SMARCC2: variants seen among roughly 807,000 people sequenced by gnomAD.
The protein encoded by SMARCC2 is SWI/SNF related BAF chromatin remodeling complex subunit C2, also known as SWI/SNF complex subunit SMARCC2.
SMARCC2 carries 15 observed loss-of-function variants against 151.3 expected under a neutral mutation model. That is an observed-to-expected ratio of 0.10 (90% CI 0.07 to 0.15). The LOEUF (loss-of-function observed/expected upper bound fraction) is 0.15. Among genes scored for constraint, SMARCC2 ranks in the 10% least tolerant of loss-of-function variants. The pLI is 1.00. For missense variants in SMARCC2, 1,031 were observed against 1,599.7 expected, an observed-to-expected ratio of 0.64 and a Z score of 6.06; for synonymous variants, 590 against 609.5, an observed-to-expected ratio of 0.97 and a Z score of 0.47.
rs1379380398 is a variant in SMARCC2 at position 56,170,286 on chromosome 12, T to TA, written c.2348-79dup. ...TGTGTCTAACACTTTTCTTTTTTTT[T>TA]AGAGACAGGGTCTTGCTGTGTTGCC... On this transcript the variant is annotated intron_variant, in intron 22 of 28. Transcript: ENST00000550164. The TA allele has an allele frequency of 1.6e-5, 21 of 1,273,368 alleles. 1 individual carries two copies. The highest frequency in any genetic ancestry group is 4.4e-5 in the African/African-American group (3 of 68,116). 78.9% of individuals were successfully genotyped at this position (1,273,368 alleles called of 1,614,324 possible). A position where few individuals can be genotyped will look rare whatever the true frequency, so the allele number is the denominator to read the frequency against.
intron 7 of SMARCC2, 53 bp downstream of exon 7, chr12:56,183,808 G>A (rs1876718342): frequency 3.2e-6 from 4 of 1,258,894 alleles, no homozygotes; most frequent in East Asian, 2.3e-5. Context: ...GATGTCCTAG[G>A]GCTTCTGGGT....
intron 3 of SMARCC2, chr12:56,185,482 C>CTT (rs922780076): frequency 3.0e-4 from 53 of 174,752 alleles, no homozygotes; most frequent in South Asian, 7.8e-4. Flanking sequence ...CACACCCGGC[C>CTT]TTTTTTTTTT....
chr12:56,183,086 C>T (rs1876553703), intron 7 of SMARCC2, among the ~76,000 whole-genome samples: 1 of 151,744 alleles, frequency 6.6e-6, no homozygotes, highest in Non-Finnish European at 1.5e-5. Flanking sequence ...GCAATCTGCC[C>T]ACCTCAGCCT....
intron 16 of SMARCC2, 155 bp downstream of exon 16, chr12:56,174,496 G>T: frequency 5.0e-6 from 3 of 601,856 alleles, no homozygotes; most frequent in Middle Eastern, 9.2e-4. Context: ...AATCCCTCAA[G>T]TCATTCATTC....
intron 10 of SMARCC2, 22 bp downstream of exon 10, chr12:56,181,460 G>A: frequency 7.4e-7 from 1 of 1,343,884 alleles, no homozygotes; most frequent in South Asian, 1.4e-5. Flanking sequence ...TGAACACGGG[G>A]GCAGGCTAGG....
chr12:56,182,787 T>C (rs968635354), intron 7 of SMARCC2, among the ~76,000 whole-genome samples: 3 of 137,792 alleles, frequency 2.2e-5, no homozygotes, highest in African/African-American at 9.6e-5. Flanking sequence ...ATCATAACCA[T>C]ACTAGATGAT....
intron 9 of SMARCC2, 45 bp from the exon 10 acceptor site, chr12:56,181,642 C>A (rs745743312): frequency 6.2e-7 from 1 of 1,612,688 alleles, no homozygotes; most frequent in South Asian, 1.1e-5. Context: ...ACAATCCCCA[C>A]TGAAGATTTG....
Position 56,166,447 on chromosome 12 carries a change from G to A in SMARCC2, c.2851-748C>T, listed in dbSNP as rs114100818. 5.5e-3 allele frequency among the ~76,000 whole-genome samples: 834 copies of A among 152,032 alleles called. 8 individuals carry two copies. The highest frequency in any genetic ancestry group is 0.019 in the African/African-American group (804 of 41,472). On this transcript the variant is annotated intron_variant, in intron 26 of 28. Coordinates refer to ENST00000550164, the MANE Select transcript of SMARCC2 (RefSeq NM_001330288.2). ...ATTACAGGTGTGAGCCACCGCGCCC[G>A]GCTGATGTGCAATCTCTTAATGTGA...
intron 3 of SMARCC2, chr12:56,185,383 A>G (rs1046255771): frequency 1.1e-5 from 4 of 377,592 alleles, no homozygotes; most frequent in Non-Finnish European, 2.0e-5. Flanking sequence ...AGGTTTCACC[A>G]TATTGGTCAA....
At chr12:56,185,215 G>T in intron 3 of SMARCC2, 104 bp from the exon 4 acceptor site, 1 of 885,686 alleles carries the variant, frequency 1.1e-6, no homozygotes, top group Non-Finnish European at 1.9e-6. Context: ...GTCTTGCTCT[G>T]TCACCTAGGC....
At chr12:56,188,630 G>A (rs994566503) in intron 1 of SMARCC2, among the ~76,000 whole-genome samples, 19 of 152,142 alleles carry the variant, frequency 1.2e-4, no homozygotes, top group African/African-American at 4.3e-4. Context: ...GCTAGAGATA[G>A]GAAGCTCACC....
chr12:56,165,128 G>A (rs1436258438), intron 27 of SMARCC2, among the ~76,000 whole-genome samples, 190 bp downstream of exon 27: 1 of 152,226 alleles, frequency 6.6e-6, no homozygotes, highest in African/African-American at 2.4e-5. Context: ...TAGAGTAAGT[G>A]AATAAAATTC....
chr12:56,189,320 G>T, intron 1 of SMARCC2, 31 bp downstream of exon 1: 1 of 1,389,214 alleles, frequency 7.2e-7, no homozygotes, highest in Non-Finnish European at 9.8e-7. Flanking sequence ...CCCGCCCCCG[G>T]TCCCCGCGCG....
In SMARCC2 at chr12:56,165,332, G is replaced by T. The variant is rs201907171; in HGVS notation, c.3218C>A (p.Pro1073His). Residue 1073 changes from proline (P) to histidine (H), a missense_variant, in exon 27 of 29, where the codon CCC becomes CAC. Around this residue, in one of 12 missense-constraint regions of SMARCC2, gnomAD observed 310 missense variants for 350.0 expected, o/e 0.89. Transcript: ENST00000550164. ...ATAACACTTACCATGGGGTCCAGGGGGGGGAACCCCTGGTGGGACTGCCCC... is the reference window on the plus strand; with the variant it reads ...ATAACACTTACCATGGGGTCCAGGGTGGGGAACCCCTGGTGGGACTGCCCC... ...QPGAVPPGVP[P>H]PGPHGPSPFP... is the part of the protein sequence containing the mutation. 5.2e-5 allele frequency: 78 copies of T among 1,496,142 alleles called. No homozygotes were observed. The highest frequency in any genetic ancestry group is 5.1e-4 in the Middle Eastern group (2 of 3,946). 92.7% of individuals were successfully genotyped at this position (1,496,142 alleles called of 1,614,324 possible).
At chr12:56,180,738 A>G (rs1442111688) in intron 11 of SMARCC2, among the ~76,000 whole-genome samples, 2 of 152,236 alleles carry the variant, frequency 1.3e-5, no homozygotes, top group African/African-American at 4.8e-5. Flanking sequence ...GAAACACATA[A>G]TCAAAGAGTT....
intron 16 of SMARCC2, 77 bp from the exon 17 acceptor site, chr12:56,173,926 G>T (rs1018122733): frequency 1.4e-6 from 2 of 1,399,592 alleles, no homozygotes; most frequent in East Asian, 2.4e-5. Flanking sequence ...GTGGGGGGTA[G>T]AAGGGGCATA....
chr12:56,181,572 C>T lies in SMARCC2; in HGVS notation c.866G>A (p.Arg289Gln), dbSNP rs766918164. The T allele has an allele frequency of 1.3e-6, 2 of 1,594,148 alleles. No homozygotes were observed. Among genetic ancestry groups the T allele is most frequent in the Non-Finnish European group, 1.7e-6 (2 of 1,170,028 alleles). Residue 289 changes from arginine to glutamine, a missense_variant, in exon 10 of 29, where the codon CGG (arginine) becomes CAG (glutamine). By Grantham distance (43) the Arg-to-Gln change is conservative (BLOSUM62 1). Around this residue, in one of 12 missense-constraint regions of SMARCC2, gnomAD observed 123 missense variants for 190.4 expected, o/e 0.65. Transcript: ENST00000550164. The stretch of plus-strand genomic sequence containing the variant: ...CTTATAGTTTCCCCCCTTCTTGTCC[C>T]GTCGATCTGAATCTGGGCTGTTCAC... Reference protein sequence around the residue: ...DEVNSPDSDRRDKKGGNYKKR... With the variant: ...DEVNSPDSDRQDKKGGNYKKR...
Position 56,171,464 on chromosome 12 carries a change from C to A in SMARCC2, c.2186-32G>T, listed in dbSNP as rs757401916. 3.7e-6 allele frequency: 6 copies of A among 1,613,306 alleles called. No individual in the cohort carries two copies. In the East Asian group the frequency reaches 1.1e-4, roughly 30 times the overall value. ...GACCCAGAAAGAATGAGGCTGGGAG[C>A]GGCACAGTGGAACAGTTCTGGCAAT... On this transcript the variant is annotated intron_variant, in intron 21 of 28. Coordinates refer to ENST00000550164, the MANE Select transcript of SMARCC2 (RefSeq NM_001330288.2). This position sits in a 1 kb window ranked among gnomAD's most constrained non-coding sequence, Gnocchi z 4.2.
chr12:56,171,604 A>T lies in SMARCC2; in HGVS notation c.2185+75T>A. On this transcript the variant is annotated intron_variant, in intron 21 of 28. Coordinates refer to ENST00000550164, the MANE Select transcript of SMARCC2 (RefSeq NM_001330288.2). This position sits in a 1 kb window ranked among gnomAD's most constrained non-coding sequence, Gnocchi z 4.2. ...GGCCAGCAGGGCAGCCAAACTTGAGAGGATTCACAGTCTGAGTAACTAGCC... is the reference window on the plus strand; with the variant it reads ...GGCCAGCAGGGCAGCCAAACTTGAGTGGATTCACAGTCTGAGTAACTAGCC... The T allele has an allele frequency of 1.3e-6, 2 of 1,511,076 alleles. No individual in the cohort carries two copies. The highest frequency in any genetic ancestry group is 1.8e-6 in the Non-Finnish European group (2 of 1,125,324). The allele number at this position is 1,511,076 out of a possible 1,614,324, so 93.6% of individuals were successfully genotyped here.
Sources: allele counts gnomAD v4.1 joint callset (sites outside exome capture counted in the v4.1 genomes callset), GRCh38; gene constraint gnomAD v4.1.1; regional missense constraint gnomAD v4.1.1; non-coding constraint Gnocchi (gnomAD v3.1); transcripts MANE v1.5; gene names NCBI Gene and HGNC (gene_info 2026-07-23, HGNC 2026-07-21).